DPP6: variants seen among roughly 807,000 people sequenced by gnomAD.
The protein encoded by DPP6 is dipeptidyl peptidase like 6.
DPP6 carries 69 observed loss-of-function variants against 122.6 expected under a neutral mutation model. The ratio of observed to expected loss-of-function variants is 0.56; its 90% CI spans 0.46 to 0.69. DPP6 has a LOEUF of 0.69. DPP6 is among the 30% of genes least tolerant of loss of function. The probability of loss-of-function intolerance (pLI) is 0.00; values close to 1 mark genes in which losing one functional copy is unlikely to be tolerated. For synonymous variants in DPP6, 418 were observed against 433.1 expected, an observed-to-expected ratio of 0.97 and a Z score of 0.43; for missense variants, 928 against 1,116.9, an observed-to-expected ratio of 0.83 and a Z score of 2.41.
chr7:154,359,668 A>C (rs1384030447), intron 1 of DPP6, among the ~76,000 whole-genome samples: 1 of 152,180 alleles, frequency 6.6e-6, no homozygotes, highest in East Asian at 1.9e-4. Context: ...GTGAGCCCTC[A>C]AAAGTATTTA....
At chr7:154,261,567 C>T (rs980441957) in intron 1 of DPP6, among the ~76,000 whole-genome samples, 10 of 152,070 alleles carry the variant, frequency 6.6e-5, no homozygotes, top group East Asian at 3.9e-4. Flanking sequence ...AGAGCTTTTG[C>T]GGGGCAAAAG....
At chr7:154,062,272 T>G (rs1563156087) in intron 1 of DPP6, among the ~76,000 whole-genome samples, 1 of 60,644 alleles carries the variant, frequency 1.6e-5, no homozygotes, top group Non-Finnish European at 3.4e-5. Flanking sequence ...TACGTGGGAT[T>G]ACTGAGAGCC....
chr7:154,549,659 G>T (rs939214271), intron 4 of DPP6, among the ~76,000 whole-genome samples: 10 of 152,116 alleles, frequency 6.6e-5, no homozygotes, highest in African/African-American at 2.4e-4. Flanking sequence ...ACGTTAGAAG[G>T]GTAGACATCC....
chr7:154,166,521 C>T (rs1271488047), intron 1 of DPP6, among the ~76,000 whole-genome samples: 2 of 151,896 alleles, frequency 1.3e-5, no homozygotes, highest in East Asian at 1.9e-4. Flanking sequence ...AATCCTCCCC[C>T]GAAGAACTTT....
chr7:154,362,961 C>T (rs977601850), intron 1 of DPP6, among the ~76,000 whole-genome samples: 3 of 152,164 alleles, frequency 2.0e-5, no homozygotes, highest in Non-Finnish European at 4.4e-5. Flanking sequence ...AGATGGTTCC[C>T]GTGCACATGA....
chr7:154,787,734 AGGTG>A (rs1797422104), intron 10 of DPP6, among the ~76,000 whole-genome samples: 1 of 152,250 alleles, frequency 6.6e-6, no homozygotes, highest in Non-Finnish European at 1.5e-5. Flanking sequence ...CAAATGAATA[AGGTG>A]GGTATGGTCT....
intron 8 of DPP6, among the ~76,000 whole-genome samples, chr7:154,740,084 T>C (rs57927275): frequency 0.018 from 2,740 of 152,322 alleles, 82 homozygotes; most frequent in African/African-American, 0.061. Context: ...AGAATTCTCA[T>C]TGGTCTTGAG....
At chr7:154,302,201 C>G (rs937125446) in intron 1 of DPP6, among the ~76,000 whole-genome samples, 1 of 152,160 alleles carries the variant, frequency 6.6e-6, no homozygotes, top group Non-Finnish European at 1.5e-5. Flanking sequence ...CCACCAGTCC[C>G]AGGCAACCAC....
chr7:153,830,677 T>C, the DPP6 span, among the ~76,000 whole-genome samples: 1 of 152,198 alleles, frequency 6.6e-6, no homozygotes, highest in African/African-American at 2.4e-5. Context: ...GCTGTGGGGC[T>C]GGGGAGTGTG....
chr7:154,592,440 C>G (rs1297541597), intron 5 of DPP6, among the ~76,000 whole-genome samples: 1 of 152,264 alleles, frequency 6.6e-6, no homozygotes, highest in Non-Finnish European at 1.5e-5. Context: ...GGCGCTCTCG[C>G]AGGCACAGGG....
intron 1 of DPP6, among the ~76,000 whole-genome samples, chr7:154,217,583 A>G (rs746421971): frequency 6.6e-6 from 1 of 152,222 alleles, no homozygotes; most frequent in African/African-American, 2.4e-5. Flanking sequence ...CCTATGAGCT[A>G]TCAACAGACA....
intron 20 of DPP6, chr7:154,876,385 G>C (rs1044433431): frequency 2.5e-6 from 1 of 395,264 alleles, no homozygotes; most frequent in Admixed American, 4.6e-5. Context: ...GCTTTTCTGC[G>C]CTGTGGTCAC....
intron 1 of DPP6, among the ~76,000 whole-genome samples, chr7:154,043,448 C>A (rs2129058655): frequency 9.3e-6 from 1 of 107,340 alleles, no homozygotes; most frequent in African/African-American, 3.5e-5. Flanking sequence ...GGACCTATTC[C>A]AAGATTTTCA....
chr7:153,897,634 A>C (rs899238659), intron 1 of DPP6, among the ~76,000 whole-genome samples: 1 of 152,160 alleles, frequency 6.6e-6, no homozygotes, highest in African/African-American at 2.4e-5. Context: ...TCTAGGGAAA[A>C]TGTCTCTATT....
At chr7:154,153,653 A>G (rs1796536263) in intron 1 of DPP6, among the ~76,000 whole-genome samples, 1 of 152,256 alleles carries the variant, frequency 6.6e-6, no homozygotes, top group Non-Finnish European at 1.5e-5. Flanking sequence ...TCCCCAGAGC[A>G]GGGGTCAGCA....
At chr7:154,783,322 G>A (rs1431961358) in intron 10 of DPP6, among the ~76,000 whole-genome samples, 1 of 152,208 alleles carries the variant, frequency 6.6e-6, no homozygotes, top group Non-Finnish European at 1.5e-5. Context: ...AGGACGGGCA[G>A]GGTCTTCTCT....
intron 16 of DPP6, among the ~76,000 whole-genome samples, chr7:154,831,474 C>T (rs140271269): frequency 1.3e-3 from 198 of 152,308 alleles, no homozygotes; most frequent in African/African-American, 4.5e-3. Context: ...GATGTTGATT[C>T]TTCTTAAGAA....
intron 7 of DPP6, among the ~76,000 whole-genome samples, chr7:154,691,804 G>A (rs58436770): frequency 0.035 from 4,849 of 139,424 alleles, 248 homozygotes; most frequent in African/African-American, 0.12. Flanking sequence ...GGGTGACAGA[G>A]TGAGACTCTG....
chr7:154,857,474 A>G (rs1252964645), intron 17 of DPP6, among the ~76,000 whole-genome samples: 1 of 152,198 alleles, frequency 6.6e-6, no homozygotes, highest in African/African-American at 2.4e-5. Flanking sequence ...CCTGAGTTCC[A>G]GCCTCCAGGT....
Sources: allele counts gnomAD v4.1 joint callset (sites outside exome capture counted in the v4.1 genomes callset), GRCh38; gene constraint gnomAD v4.1.1; transcripts MANE v1.5; gene names NCBI Gene and HGNC (gene_info 2026-07-23, HGNC 2026-07-21).